GTF3C1: variants seen among roughly 807,000 people sequenced by gnomAD.
The protein encoded by GTF3C1 is general transcription factor IIIC subunit 1.
In GTF3C1, 57 loss-of-function variants were observed where a neutral mutation model predicts 226.7. That is an observed-to-expected ratio of 0.25 (90% CI 0.20 to 0.31). GTF3C1 has a LOEUF of 0.31. Among genes scored for constraint, GTF3C1 ranks in the 10% least tolerant of loss-of-function variants. The pLI, the probability that GTF3C1 is intolerant of heterozygous loss-of-function variation, is 1.00. For missense variants in GTF3C1, 2,217 were observed against 2,776.1 expected (o/e 0.80, Z 4.53); for synonymous variants, 1,090 against 1,084.8 (o/e 1.00, Z -0.09).
intron 20 of GTF3C1, 55 bp from the exon 21 acceptor site, chr16:27,489,233 AG>A: frequency 6.3e-7 from 1 of 1,594,458 alleles, no homozygotes; most frequent in Non-Finnish European, 8.6e-7. Context: ...ACCGAAAAAG[AG>A]AGCCCATGGC....
At chr16:27,489,476 A>T (rs1282463389) in intron 20 of GTF3C1, 126 bp downstream of exon 20, 17 of 698,302 alleles carry the variant, frequency 2.4e-5, no homozygotes. Flanking sequence ...AGCCATCTGC[A>T]GCCTCTGCAC....
chr16:27,502,203 TG>T (rs2088415965), intron 11 of GTF3C1, among the ~76,000 whole-genome samples: 3 of 152,108 alleles, frequency 2.0e-5, no homozygotes, highest in Non-Finnish European at 4.4e-5. Flanking sequence ...TGTGTGCAGA[TG>T]GTCCCTACCC....
In GTF3C1 at chr16:27,470,627, T is replaced by G. The variant is rs1162154971; in HGVS notation, c.4527-232A>C. 1.9e-6 allele frequency: 1 copy of G among 530,206 alleles called. No homozygotes were observed. The highest frequency in any genetic ancestry group is 3.3e-5 in the East Asian group (1 of 30,532). The allele number at this position is 530,206 out of a possible 1,614,324, so 32.8% of individuals were successfully genotyped here. ...ACCTTCCGGGCAGAGTCCTGTCTCC[T>G]CATCTAATTCAATGTGGCCTCACCT... is the stretch of plus-strand genomic sequence containing the variant. On this transcript the variant is annotated intron_variant, in intron 30 of 36. Transcript: ENST00000356183. The surrounding 1 kb of genome is among the most constrained non-coding windows in gnomAD (Gnocchi z 4.9).
intron 2 of GTF3C1, among the ~76,000 whole-genome samples, chr16:27,545,041 C>T (rs1181672388): frequency 1.3e-5 from 2 of 150,856 alleles, no homozygotes; most frequent in African/African-American, 2.4e-5. Flanking sequence ...GGCATGACCT[C>T]GGCTCACTGC....
At chr16:27,500,964 T>A (rs2088396392) in intron 12 of GTF3C1, among the ~76,000 whole-genome samples, 1 of 152,266 alleles carries the variant, frequency 6.6e-6, no homozygotes, top group Non-Finnish European at 1.5e-5. Flanking sequence ...CAGGGCTGGA[T>A]GCCTGCACAG....
At chr16:27,505,822 T>G in intron 10 of GTF3C1, 77 bp downstream of exon 10, 3 of 847,316 alleles carry the variant, frequency 3.5e-6, no homozygotes, top group Non-Finnish European at 6.0e-6. Flanking sequence ...ACTGTGATCA[T>G]GTGATTCCTA....
At position 27,469,971 on chromosome 16, in the gene GTF3C1, G is replaced by T; in HGVS notation, c.4814+137C>A. On this transcript the variant is annotated intron_variant, in intron 31 of 36. Transcript: ENST00000356183. This position sits in a 1 kb window ranked among gnomAD's most constrained non-coding sequence, Gnocchi z 4.5. ...ACCAGCAGAGGACACCTTAGACACC[G>T]GCCTATAATCCCCAGTCACTCATCT... The T allele has an allele frequency of 1.4e-6, 1 of 733,254 alleles. No individual in the cohort carries two copies. The highest frequency in any genetic ancestry group is 2.3e-6 in the Non-Finnish European group (1 of 429,934). The allele number at this position is 733,254 out of a possible 1,614,324, so 45.4% of individuals were successfully genotyped here.
At chr16:27,506,172 T>C (rs2088481815) in intron 9 of GTF3C1, 56 bp from the exon 10 acceptor site, 4 of 1,010,570 alleles carry the variant, frequency 4.0e-6, no homozygotes, top group Non-Finnish European at 6.1e-6. Flanking sequence ...AGGGCATTCA[T>C]GTTTGGCAAT....
At chr16:27,487,843 C>G (rs1596626772) in intron 23 of GTF3C1, among the ~76,000 whole-genome samples, 1 of 152,218 alleles carries the variant, frequency 6.6e-6, no homozygotes, top group Non-Finnish European at 1.5e-5. Context: ...TGAACTTTGG[C>G]CTGATTAGCA....
intron 6 of GTF3C1, among the ~76,000 whole-genome samples, chr16:27,519,127 G>C (rs557343723): frequency 6.6e-6 from 1 of 151,948 alleles, no homozygotes; most frequent in East Asian, 1.9e-4. Flanking sequence ...CATTTGGGTG[G>C]GACAGTAAAG....
At chr16:27,546,836 G>A (rs1401464803) in intron 1 of GTF3C1, among the ~76,000 whole-genome samples, 5 of 151,690 alleles carry the variant, frequency 3.3e-5, no homozygotes, top group South Asian at 2.1e-4. Context: ...GCGCAATCTC[G>A]GCTCACTGCA....
chr16:27,522,551 GTTC>G (rs1209871287), intron 6 of GTF3C1, among the ~76,000 whole-genome samples: 1 of 152,210 alleles, frequency 6.6e-6, no homozygotes, highest in African/African-American at 2.4e-5. Context: ...CTCCTACTTT[GTTC>G]TTCTTTTTCG....
At position 27,461,172 on chromosome 16, in the gene GTF3C1, TTTCCAGAG is replaced by T. The variant is rs1418700055; in HGVS notation, c.*170_*177del. ...GGATGGGCAGGTCGGGGAGCCCCTC[TTTCCAGAG>T]TTCCAGTACAGTGGGAAACGTGTCA... On this transcript the variant is annotated 3_prime_UTR_variant, in exon 37 of 37. Coordinates refer to ENST00000356183, the MANE Select transcript of GTF3C1 (RefSeq NM_001520.4). The surrounding 1 kb of genome is among the most constrained non-coding windows in gnomAD (Gnocchi z 5.3). 3.6e-6 allele frequency: 2 copies of T among 556,256 alleles called. No individual in the cohort carries two copies. Among genetic ancestry groups the T allele is most frequent in the Non-Finnish European group, 6.4e-6 (2 of 311,164 alleles). 34.5% of individuals were successfully genotyped at this position (556,256 alleles called of 1,614,324 possible).
Position 27,472,031 on chromosome 16 carries a change from T to C in GTF3C1, c.4354-111A>G, listed in dbSNP as rs2087879846. On this transcript the variant is annotated intron_variant, in intron 29 of 36. Transcript: ENST00000356183. The stretch of plus-strand genomic sequence containing the variant: ...GATGCTTTATAGAGGAAGTGACCGA[T>C]CGTGGGAGGCCCAGGCTGGCGTATG... The C allele has an allele frequency of 3.3e-6, 3 of 896,370 alleles. No individual in the cohort carries two copies. The East Asian group carries it at 7.8e-5, about 23-fold the overall frequency. The allele number at this position is 896,370 out of a possible 1,614,324, so 55.5% of individuals were successfully genotyped here.
intron 15 of GTF3C1, 55 bp from the exon 16 acceptor site, chr16:27,494,963 G>A: frequency 6.6e-7 from 1 of 1,504,560 alleles, no homozygotes; most frequent in Non-Finnish European, 9.2e-7. Context: ...TCACCATGGT[G>A]ACACATGGTA....
In GTF3C1 at chr16:27,465,459, G is replaced by A. The variant is rs773239212; in HGVS notation, c.5156C>T (p.Thr1719Ile). 4 of 1,611,588 alleles carry A rather than the reference G, an allele frequency of 2.5e-6. No homozygotes were observed. The highest frequency in any genetic ancestry group is 2.7e-5 in the African/African-American group (2 of 75,056). ...GAGGACAAACTCCTCCAAGCTGCAG[G>A]TGTTTTCCTGGGGGTTTATCAGCTT... ...FTKLINPQEN[T>I]CSLEEFVLQL... Residue 1719 changes from threonine (T) to isoleucine (I), a missense_variant, in exon 33 of 37, where the codon ACC (threonine) becomes ATC (isoleucine). Around this residue, in one of 12 missense-constraint regions of GTF3C1, gnomAD observed 455 missense variants for 441.9 expected, o/e 1.03. Coordinates refer to ENST00000356183, the MANE Select transcript of GTF3C1 (RefSeq NM_001520.4).
At chr16:27,501,089 G>A in intron 12 of GTF3C1, 102 bp downstream of exon 12, 1 of 947,434 alleles carries the variant, frequency 1.1e-6, no homozygotes, top group South Asian at 1.6e-5. Context: ...CAAGTCACTG[G>A]TAATAAAGCA....
chr16:27,530,873 G>A (rs756100834), intron 5 of GTF3C1, among the ~76,000 whole-genome samples: 1 of 152,188 alleles, frequency 6.6e-6, no homozygotes, highest in South Asian at 2.1e-4. Flanking sequence ...CCACTCCAGC[G>A]AAACTCACTG....
chr16:27,538,745 C>T (rs1286316999), intron 2 of GTF3C1, among the ~76,000 whole-genome samples: 1 of 152,154 alleles, frequency 6.6e-6, no homozygotes, highest in Non-Finnish European at 1.5e-5. Flanking sequence ...GCTTCCTGTT[C>T]CTAAGACAAG....
Sources: gnomAD v4.1 joint callset for allele counts (sites outside exome capture counted in the v4.1 genomes callset) on GRCh38, gnomAD v4.1.1 for gene constraint, gnomAD v4.1.1 regional missense constraint, Gnocchi (gnomAD v3.1) non-coding constraint, MANE v1.5 for transcripts, NCBI Gene and HGNC (gene_info 2026-07-23, HGNC 2026-07-21) for gene names.